ACSS3: variants seen among roughly 807,000 people sequenced by gnomAD.
ACSS3 encodes the protein acyl-CoA synthetase short chain family member 3, also known as acyl-CoA synthetase short-chain family member 3, mitochondrial.
A neutral mutation model predicts 84.2 loss-of-function variants in ACSS3; 64 were observed. That is an observed-to-expected ratio of 0.76 (90% CI 0.62 to 0.94). The LOEUF is 0.94. ACSS3 is among the 40% of genes least tolerant of loss of function. The probability of loss-of-function intolerance (pLI) is 0.00; values close to 1 mark genes in which losing one functional copy is unlikely to be tolerated. For missense variants in ACSS3, 815 were observed against 867.6 expected, an observed-to-expected ratio of 0.94 and a Z score of 0.76; for synonymous variants, 317 against 310.1, an observed-to-expected ratio of 1.02 and a Z score of -0.23.
chr12:81,132,176 T>G (rs2574736), intron 2 of ACSS3, among the ~76,000 whole-genome samples: 47,183 of 151,976 alleles, frequency 0.31, 7,574 homozygotes, highest in Admixed American at 0.44. Flanking sequence ...CTTTTTCTAT[T>G]GATTGGAATA....
At chr12:81,214,257 C>T (rs1423154357) in intron 9 of ACSS3, among the ~76,000 whole-genome samples, 1 of 152,006 alleles carries the variant, frequency 6.6e-6, no homozygotes, top group African/African-American at 2.4e-5. Context: ...AACTCATGAC[C>T]TCTGGTGATC....
chr12:81,139,198 T>C lies in ACSS3; in HGVS notation c.713T>C (p.Val238Ala). The C allele has an allele frequency of 6.2e-7, 1 of 1,614,020 alleles. No individual in the cohort carries two copies. The highest frequency in any genetic ancestry group is 2.2e-5 in the East Asian group (1 of 44,846). The part of the protein sequence containing the change: ...PGRRVEYVPL[V>A]EEALKIGQHK... ...AGGAGGGTAGAGTACGTACCACTTG[T>C]AGAAGAAGCGCTAAAAATAGGACAA... Residue 238 changes from valine to alanine, a missense_variant, in exon 4 of 16, where the codon GTA (valine) becomes GCA (alanine). Val to Ala is a moderately conservative substitution (Grantham distance 64, BLOSUM62 0). Coordinates refer to ENST00000548058, the MANE Select transcript of ACSS3 (RefSeq NM_024560.4).
At chr12:81,166,245 T>G (rs1887397118) in intron 7 of ACSS3, among the ~76,000 whole-genome samples, 1 of 152,140 alleles carries the variant, frequency 6.6e-6, no homozygotes. Context: ...AGGTGGCTAT[T>G]GTAAGAGATG....
At chr12:81,239,638 ATACT>A (rs879304777) in intron 13 of ACSS3, among the ~76,000 whole-genome samples, 17 of 151,926 alleles carry the variant, frequency 1.1e-4, no homozygotes, top group Non-Finnish European at 2.4e-4. Context: ...AGATCTTGTG[ATACT>A]TATTCACTAT....
intron 9 of ACSS3, among the ~76,000 whole-genome samples, chr12:81,200,889 CAAAAAAAAAAAAA>C (rs35916130): frequency 7.1e-5 from 4 of 56,516 alleles, no homozygotes; most frequent in Non-Finnish European, 1.5e-4. Context: ...GCAAGACTGT[CAAAAAAAAAAAAA>C]AAAAGAAAAA....
At chr12:81,180,397 A>G (rs1227614271) in intron 8 of ACSS3, among the ~76,000 whole-genome samples, 1 of 152,206 alleles carries the variant, frequency 6.6e-6, no homozygotes. Flanking sequence ...GTGAAGAAAA[A>G]TATTTTATTT....
chr12:81,205,525 G>T (rs1282739836), intron 9 of ACSS3, among the ~76,000 whole-genome samples: 1 of 152,114 alleles, frequency 6.6e-6, no homozygotes, highest in African/African-American at 2.4e-5. Flanking sequence ...AGAGATCTCT[G>T]TGGGAAATGT....
intron 13 of ACSS3, among the ~76,000 whole-genome samples, chr12:81,248,541 TGAG>T (rs2034054239): frequency 6.6e-6 from 1 of 151,908 alleles, no homozygotes. Flanking sequence ...TACCAGAGGC[TGAG>T]AAGGGTATGT....
In ACSS3 at chr12:81,088,105, G is replaced by A. The variant is rs772206582; in HGVS notation, c.311+9674G>A. Among the ~76,000 whole-genome samples the A allele has an allele frequency of 1.1e-4, 17 of 152,188 alleles. 1 individual carries two copies. Among genetic ancestry groups the A allele is most frequent in the South Asian group, 4.1e-4 (2 of 4,820 alleles). ...AGCTTTGGCCACTGCAATAAGAGGA[G>A]CAAGGCTTTTCACTTAGTTAATTGC... On this transcript the variant is annotated intron_variant, in intron 1 of 15. Transcript: ENST00000548058.
intron 13 of ACSS3, among the ~76,000 whole-genome samples, chr12:81,244,498 T>C (rs1421897313): frequency 6.6e-6 from 1 of 152,144 alleles, no homozygotes; most frequent in Non-Finnish European, 1.5e-5. Flanking sequence ...ATTATGTGTT[T>C]GTTACAGCTT....
chr12:81,195,386 A>G (rs1202945555), intron 8 of ACSS3, among the ~76,000 whole-genome samples: 1 of 152,066 alleles, frequency 6.6e-6, no homozygotes, highest in Non-Finnish European at 1.5e-5. Context: ...TTTAAACGTT[A>G]AAACTTTACA....
intron 1 of ACSS3, among the ~76,000 whole-genome samples, chr12:81,091,683 A>G (rs1009876463): frequency 4.6e-5 from 7 of 152,078 alleles, no homozygotes; most frequent in African/African-American, 1.7e-4. Context: ...AAAAAATTAA[A>G]TATTTCAAAG....
At position 81,259,870 on chromosome 12, in the gene ACSS3, G is replaced by T. The variant is rs901045927; in HGVS notation, c.*4948G>T. 3 of 397,742 alleles carry T rather than the reference G, an allele frequency of 7.5e-6. No individual in the cohort carries two copies. The highest frequency in any genetic ancestry group is 3.6e-5 in the East Asian group (1 of 27,442). The allele number at this position is 397,742 out of a possible 1,614,324, so 24.6% of individuals were successfully genotyped here. On this transcript the variant is annotated 3_prime_UTR_variant, in exon 16 of 16. Transcript: ENST00000548058. ...GTGCAGGGGAGCTTAACAAATAATAGAATTTGCTCAACTTTGTGGAAAGTA... is the reference window on the plus strand; with the variant it reads ...GTGCAGGGGAGCTTAACAAATAATATAATTTGCTCAACTTTGTGGAAAGTA...
chr12:81,233,293 T>C, intron 12 of ACSS3, 56 bp from the exon 13 acceptor site: 4 of 1,559,578 alleles, frequency 2.6e-6, no homozygotes, highest in Non-Finnish European at 3.5e-6. Context: ...AAGTTTAAAA[T>C]GATTACATTA....
chr12:81,111,333 A>T (rs1039649008), intron 2 of ACSS3, among the ~76,000 whole-genome samples: 3 of 152,134 alleles, frequency 2.0e-5, no homozygotes, highest in African/African-American at 7.2e-5. Context: ...TCCAGTGGGG[A>T]TGGCACCAGG....
intron 7 of ACSS3, among the ~76,000 whole-genome samples, chr12:81,162,728 C>G (rs1887214140): frequency 6.6e-6 from 1 of 152,104 alleles, no homozygotes; most frequent in Non-Finnish European, 1.5e-5. Flanking sequence ...CTGAGGGGCA[C>G]CTGCAGGCAT....
At chr12:81,089,837 TCC>T in intron 1 of ACSS3, among the ~76,000 whole-genome samples, 1 of 152,130 alleles carries the variant, frequency 6.6e-6, no homozygotes, top group East Asian at 1.9e-4. Flanking sequence ...CTTTGAATCT[TCC>T]CAACAACTCT....
chr12:81,229,576 C>T (rs534111798), intron 11 of ACSS3, among the ~76,000 whole-genome samples: 40 of 151,940 alleles, frequency 2.6e-4, no homozygotes, highest in Admixed American at 1.5e-3. Flanking sequence ...ACATAATAAG[C>T]TCAGTTAAGA....
At position 81,256,189 on chromosome 12, in the gene ACSS3, T is replaced by C. The variant is rs1451855388; in HGVS notation, c.*1267T>C. 1 of 152,118 alleles carries C rather than the reference T, an allele frequency of 6.6e-6. No homozygotes were observed. The highest frequency in any genetic ancestry group is 6.5e-5 in the Admixed American group (1 of 15,268). 9.4% of individuals were successfully genotyped at this position (152,118 alleles called of 1,614,324 possible). On this transcript the variant is annotated 3_prime_UTR_variant, in exon 16 of 16. Transcript: ENST00000548058. ...AAGGAGCAGCGGACCCAGCAGAATA[T>C]GGCCCAAAAAGGAGGCAGGTCTCCT... is the stretch of plus-strand genomic sequence containing the variant.
Sources: allele counts gnomAD v4.1 joint callset (sites outside exome capture counted in the v4.1 genomes callset), GRCh38; gene constraint gnomAD v4.1.1; transcripts MANE v1.5; gene names NCBI Gene and HGNC (gene_info 2026-07-23, HGNC 2026-07-21).